PI15: variants seen among roughly 807,000 people sequenced by gnomAD.
The protein encoded by PI15 is peptidase inhibitor 15, also known as 25 kDa trypsin inhibitor.
Under a neutral mutation model 31.0 loss-of-function variants are expected in PI15, and 18 were observed. That is an observed-to-expected ratio of 0.58 (90% CI 0.40 to 0.86). The LOEUF is 0.86. Among genes scored for constraint, PI15 ranks in the 40% least tolerant of loss-of-function variants. The pLI, the probability that PI15 is intolerant of heterozygous loss-of-function variation, is 0.00. For synonymous variants in PI15, 118 were observed against 119.1 expected (o/e 0.99, Z 0.06); for missense variants, 282 against 328.1 (o/e 0.86, Z 1.09).
rs533875897 is a variant in PI15 at position 74,853,519 on chromosome 8, A to C, written c.*4266A>C. 2.6e-5 allele frequency: 4 copies of C among 152,596 alleles called. No homozygotes were observed. The highest frequency in any genetic ancestry group is 9.6e-5 in the African/African-American group (4 of 41,550). 9.5% of individuals were successfully genotyped at this position (152,596 alleles called of 1,614,324 possible). A position where few individuals can be genotyped will look rare whatever the true frequency, so the allele number is the denominator to read the frequency against. On this transcript the variant is annotated 3_prime_UTR_variant, in exon 6 of 6. Transcript: ENST00000260113. ...TTTTAAAATCTTTTTATAGCTTGGC[A>C]ATGTCCAAAGTCAAATATCACCTAA...
intron 2 of PI15, among the ~76,000 whole-genome samples, chr8:74,839,965 A>C: frequency 6.6e-6 from 1 of 152,166 alleles, no homozygotes; most frequent in Non-Finnish European, 1.5e-5. Flanking sequence ...CAGTTGTTAA[A>C]TGTTTCCCAT....
chr8:74,841,588 A>G (rs963608015), intron 2 of PI15, among the ~76,000 whole-genome samples: 3 of 152,242 alleles, frequency 2.0e-5, no homozygotes, highest in African/African-American at 7.2e-5. Context: ...CTCTAGTCCA[A>G]TATGTACAGA....
At position 74,824,618 on chromosome 8, in the gene PI15, T is replaced by C. The variant is rs1810665160; in HGVS notation, c.-98T>C. 6.6e-6 allele frequency: 1 copy of C among 152,426 alleles called. No homozygotes were observed. Among genetic ancestry groups the C allele is most frequent in the Admixed American group, 6.5e-5 (1 of 15,284 alleles). 9.4% of individuals were successfully genotyped at this position (152,426 alleles called of 1,614,324 possible). On this transcript the variant is annotated 5_prime_UTR_variant, in exon 1 of 6. Transcript: ENST00000260113. ...TCTTACAAGAGTTCATGCTACCACA[T>C]AGCAAAGAACCTTAAATTTTTGGAA...
At position 74,845,197 on chromosome 8, in the gene PI15, C is replaced by T. The variant is rs779719877; in HGVS notation, c.462C>T (p.Pro154=). ...TGAAAGATTATGCTTTTCCATATCCCCAGGATTGCAACCCCAGATGTCCTA... is the reference window on the plus strand; with the variant it reads ...TGAAAGATTATGCTTTTCCATATCCTCAGGATTGCAACCCCAGATGTCCTA... ...DEVKDYAFPY[P]QDCNPRCPMR... Residue 154 remains proline, a synonymous_variant, in exon 4 of 6, where the codon CCC becomes CCT. Transcript: ENST00000260113. 6.2e-7 allele frequency: 1 copy of T among 1,613,198 alleles called. No individual in the cohort carries two copies. The highest frequency in any genetic ancestry group is 8.5e-7 in the Non-Finnish European group (1 of 1,179,118).
In PI15 at chr8:74,854,733, T is replaced by C. The variant is rs1161908432; in HGVS notation, c.*5480T>C. On this transcript the variant is annotated 3_prime_UTR_variant, in exon 6 of 6. Transcript: ENST00000260113. The stretch of plus-strand genomic sequence containing the variant: ...ATAATATTTTGAGAATTAGAGAAGA[T>C]TGTGATGCATATATATAAACACTAT... 1.3e-5 allele frequency: 2 copies of C among 152,224 alleles called. No individual in the cohort carries two copies. The highest frequency in any genetic ancestry group is 6.5e-5 in the Admixed American group (1 of 15,280). The allele number at this position is 152,224 out of a possible 1,614,324, so 9.4% of individuals were successfully genotyped here.
intron 2 of PI15, among the ~76,000 whole-genome samples, chr8:74,837,587 AT>A (rs1810889630): frequency 6.6e-6 from 1 of 152,148 alleles, no homozygotes; most frequent in Admixed American, 6.5e-5. Flanking sequence ...GCATCACTTA[AT>A]TTTTTAATGG....
rs563657721 is a variant in PI15 at position 74,833,319 on chromosome 8, A to C, written c.273+7797A>C. ...TTTAAAGCTAAAACATGTATTAAAG[A>C]GGGATCTACAGAGATGAATTAATAT... On this transcript the variant is annotated intron_variant, in intron 2 of 5. Coordinates refer to ENST00000260113, the MANE Select transcript of PI15 (RefSeq NM_015886.5). Among the ~76,000 whole-genome samples the C allele has an allele frequency of 3.3e-5, 5 of 152,252 alleles. No homozygotes were observed. The East Asian group carries it at 9.7e-4, about 29-fold the overall frequency.
chr8:74,827,696 C>G (rs1160332344), intron 2 of PI15, among the ~76,000 whole-genome samples: 1 of 152,162 alleles, frequency 6.6e-6, no homozygotes, highest in Non-Finnish European at 1.5e-5. Context: ...AGGAAATGCC[C>G]CATGGCAGGA....
Position 74,825,534 on chromosome 8 carries a change from T to C in PI15, c.273+12T>C. On this transcript the variant is annotated intron_variant, in intron 2 of 5. Coordinates refer to ENST00000260113, the MANE Select transcript of PI15 (RefSeq NM_015886.5). ...ATATGGAATATATGGTAAGAAGAATTCTTTTTTTTTTTTTTAAGTTCTGAG... is the reference window on the plus strand; with the variant it reads ...ATATGGAATATATGGTAAGAAGAATCCTTTTTTTTTTTTTTAAGTTCTGAG... The C allele has an allele frequency of 6.4e-7, 1 of 1,554,344 alleles. No individual in the cohort carries two copies. The highest frequency in any genetic ancestry group is 8.7e-7 in the Non-Finnish European group (1 of 1,149,862).
chr8:74,843,434 A>G (rs566569004), intron 2 of PI15, among the ~76,000 whole-genome samples: 3 of 152,348 alleles, frequency 2.0e-5, no homozygotes, highest in African/African-American at 7.2e-5. Context: ...CAGAATTAAA[A>G]GAATTTTAGG....
intron 2 of PI15, among the ~76,000 whole-genome samples, chr8:74,835,403 TG>T (rs1810848201): frequency 6.6e-6 from 1 of 152,158 alleles, no homozygotes; most frequent in Admixed American, 6.6e-5. Context: ...AAAAGTTCCC[TG>T]GGAGATTCTA....
intron 5 of PI15, among the ~76,000 whole-genome samples, chr8:74,847,143 T>C (rs775562360): frequency 2.0e-5 from 3 of 152,160 alleles, no homozygotes; most frequent in African/African-American, 7.2e-5. Flanking sequence ...TTTATAACTT[T>C]GGGTAAATGC....
At position 74,843,971 on chromosome 8, in the gene PI15, TC is replaced by T; in HGVS notation, c.274-6del. The T allele has an allele frequency of 7.4e-7, 1 of 1,356,704 alleles. No individual in the cohort carries two copies. The allele number at this position is 1,356,704 out of a possible 1,614,324, so 84.0% of individuals were successfully genotyped here. A position where few individuals can be genotyped will look rare whatever the true frequency, so the allele number is the denominator to read the frequency against. ...AATTCCGTAACGCTGAAGATTTTTTTCCCCTACAGGTTTGGGATGAAAATCT... is the reference window on the plus strand; with the variant it reads ...AATTCCGTAACGCTGAAGATTTTTTTCCCTACAGGTTTGGGATGAAAATCT... On this transcript the variant is annotated splice_polypyrimidine_tract_variant and intron_variant, in intron 2 of 5. Coordinates refer to ENST00000260113, the MANE Select transcript of PI15 (RefSeq NM_015886.5).
intron 2 of PI15, among the ~76,000 whole-genome samples, chr8:74,841,863 A>T (rs1810950762): frequency 6.6e-6 from 1 of 152,184 alleles, no homozygotes; most frequent in Non-Finnish European, 1.5e-5. Flanking sequence ...TTTTTATATG[A>T]CCTCTGTGAG....
chr8:74,840,156 T>C (rs1483905992), intron 2 of PI15, among the ~76,000 whole-genome samples: 1 of 152,170 alleles, frequency 6.6e-6, no homozygotes, highest in Non-Finnish European at 1.5e-5. Flanking sequence ...ATTTAATACA[T>C]TCATATAATT....
chr8:74,832,101 A>G (rs1411484824), intron 2 of PI15, among the ~76,000 whole-genome samples: 1 of 152,180 alleles, frequency 6.6e-6, no homozygotes, highest in African/African-American at 2.4e-5. Context: ...CAATAAGGAT[A>G]TAAAAAAACC....
At chr8:74,832,872 C>T (rs916318804) in intron 2 of PI15, among the ~76,000 whole-genome samples, 5 of 152,090 alleles carry the variant, frequency 3.3e-5, no homozygotes, top group African/African-American at 1.2e-4. Flanking sequence ...AATTTCACAC[C>T]ACATACTCCA....
At chr8:74,841,008 C>G (rs1810937310) in intron 2 of PI15, among the ~76,000 whole-genome samples, 1 of 152,092 alleles carries the variant, frequency 6.6e-6, no homozygotes, top group South Asian at 2.1e-4. Context: ...TTTAGTTTAT[C>G]TTTTTGACAT....
At chr8:74,840,375 A>C (rs1332215136) in intron 2 of PI15, among the ~76,000 whole-genome samples, 1 of 152,092 alleles carries the variant, frequency 6.6e-6, no homozygotes, top group Non-Finnish European at 1.5e-5. Context: ...ACTTCTCTTC[A>C]TATAGTTCTG....
Sources: gnomAD v4.1 joint callset for allele counts (sites outside exome capture counted in the v4.1 genomes callset) on GRCh38, gnomAD v4.1.1 for gene constraint, MANE v1.5 for transcripts, NCBI Gene and HGNC (gene_info 2026-07-23, HGNC 2026-07-21) for gene names.